The following EEF1A1 variants were observed in gnomAD, a reference collection of about 807,000 sequenced individuals.
EEF1A1 encodes the protein eukaryotic translation elongation factor 1 alpha 1.
EEF1A1 carries 1 observed loss-of-function variant against 38.5 expected under a neutral mutation model. The observed-to-expected ratio is 0.03, with a 90% CI of 0.01 to 0.12. EEF1A1 has a LOEUF of 0.12. Among genes scored for constraint, EEF1A1 ranks in the 10% least tolerant of loss-of-function variants. EEF1A1 has a pLI of 1.00. For synonymous variants in EEF1A1, 229 were observed against 203.7 expected, an observed-to-expected ratio of 1.12 and a Z score of -1.06; for missense variants, 184 against 588.3, an observed-to-expected ratio of 0.31 and a Z score of 7.11.
chr6:73,519,103 G>T lies in EEF1A1; in HGVS notation c.450C>A (p.Val150=). Residue 150 remains valine, a synonymous_variant, in exon 4 of 8, where the codon GTC becomes GTA. Coordinates refer to ENST00000309268, the MANE Select transcript of EEF1A1 (RefSeq NM_001402.6). The part of the protein sequence containing the change: ...AYTLGVKQLI[V]GVNKMDSTEP... The stretch of plus-strand genomic sequence containing the variant: ...CAGTGGAATCCATTTTGTTAACACC[G>T]ACAATTAGTTGTTTCACACCCAGTG... 1 of 1,600,608 alleles carries T rather than the reference G, an allele frequency of 6.2e-7. No homozygotes were observed. The highest frequency in any genetic ancestry group is 8.5e-7 in the Non-Finnish European group (1 of 1,175,144).
At chr6:73,519,568 C>T (rs749408207) in intron 2 of EEF1A1, 52 bp from the exon 3 acceptor site, 2 of 1,526,534 alleles carry the variant, frequency 1.3e-6, no homozygotes, top group Non-Finnish European at 1.8e-6. Flanking sequence ...ACTCCAGCTT[C>T]AATTTCCTTG....
chr6:73,520,332 A>G (rs965079289), intron 1 of EEF1A1: 1 of 265,060 alleles, frequency 3.8e-6, no homozygotes, highest in African/African-American at 2.3e-5. Flanking sequence ...GAGGACGGAA[A>G]GGCCCTTTTC....
chr6:73,518,633 A>T (rs1765581802), intron 5 of EEF1A1, 23 bp from the exon 6 acceptor site: 1 of 1,613,110 alleles, frequency 6.2e-7, no homozygotes, highest in African/African-American at 1.3e-5. Context: ...ACAGCATACT[A>T]AATACCTATG....
Position 73,516,050 on chromosome 6 carries a change from TTAGAC to T in EEF1A1, c.*1755_*1759del, listed in dbSNP as rs1419554034. On this transcript the variant is annotated 3_prime_UTR_variant, in exon 8 of 8. Transcript: ENST00000309268. The stretch of plus-strand genomic sequence containing the variant: ...TGTTTTTTCTGTCATCCAGCAAATC[TTAGAC>T]TATTTACTTGTGTAAACATTAGATA... 16 of 152,240 alleles carry T rather than the reference TTAGAC, an allele frequency of 1.1e-4. No individual in the cohort carries two copies. Among genetic ancestry groups the T allele is most frequent in the Admixed American group, 9.8e-4 (15 of 15,288 alleles). 9.4% of individuals were successfully genotyped at this position (152,240 alleles called of 1,614,324 possible). A position where few individuals can be genotyped will look rare whatever the true frequency, so the allele number is the denominator to read the frequency against.
Position 73,516,261 on chromosome 6 carries a change from G to A in EEF1A1, c.*1549C>T, listed in dbSNP as rs902211289. 1 of 152,186 alleles carries A rather than the reference G, an allele frequency of 6.6e-6. No homozygotes were observed. The highest frequency in any genetic ancestry group is 1.5e-5 in the Non-Finnish European group (1 of 68,038). The allele number at this position is 152,186 out of a possible 1,614,324, so 9.4% of individuals were successfully genotyped here. A position where few individuals can be genotyped will look rare whatever the true frequency, so the allele number is the denominator to read the frequency against. Reference sequence around the variant, plus strand: ...GAATCTTGAGCAATACACATTGCCAGTCACTTTAAGAGGCCTTATCTCTTG... The same window carrying A: ...GAATCTTGAGCAATACACATTGCCAATCACTTTAAGAGGCCTTATCTCTTG... On this transcript the variant is annotated 3_prime_UTR_variant, in exon 8 of 8. Coordinates refer to ENST00000309268, the MANE Select transcript of EEF1A1 (RefSeq NM_001402.6).
intron 1 of EEF1A1, 22 bp from the exon 2 acceptor site, chr6:73,520,078 T>C (rs1358454635): frequency 5.1e-6 from 8 of 1,569,968 alleles, no homozygotes; most frequent in South Asian, 2.3e-5. Flanking sequence ...GAAAAAAACT[T>C]TGAACCACTG....
rs1765500192 is a variant in EEF1A1 at position 73,515,759 on chromosome 6, A to G, written c.*2051T>C. 6.6e-6 allele frequency: 1 copy of G among 152,258 alleles called. No homozygotes were observed. Among genetic ancestry groups the G allele is most frequent in the African/African-American group, 2.4e-5 (1 of 41,472 alleles). 9.4% of individuals were successfully genotyped at this position (152,258 alleles called of 1,614,324 possible). On this transcript the variant is annotated 3_prime_UTR_variant, in exon 8 of 8. Coordinates refer to ENST00000309268, the MANE Select transcript of EEF1A1 (RefSeq NM_001402.6). ...GAAATGCCACTTCATCTTAAAGCTTAAAATTCATTTATTGTAGTGAGCAAG... is the reference window on the plus strand; with the variant it reads ...GAAATGCCACTTCATCTTAAAGCTTGAAATTCATTTATTGTAGTGAGCAAG...
chr6:73,518,677 C>T, intron 5 of EEF1A1, 21 bp downstream of exon 5: 1 of 1,608,204 alleles, frequency 6.2e-7, no homozygotes, highest in Non-Finnish European at 8.5e-7. Flanking sequence ...TCAAATTCAA[C>T]TTTGTTTACA....
At position 73,518,272 on chromosome 6, in the gene EEF1A1, A is replaced by G. The variant is rs370108040; in HGVS notation, c.1030-8T>C. 14 of 1,611,326 alleles carry G rather than the reference A, an allele frequency of 8.7e-6. No homozygotes were observed. In the African/African-American group the frequency reaches 1.3e-4, roughly 15 times the overall value. ...ATGGTTCAGGATAATCACCTTGGAA[A>G]AAAGATTTGCATTCAGTGCAAATCC... On this transcript the variant is annotated splice_region_variant and splice_polypyrimidine_tract_variant and intron_variant, in intron 6 of 7. Transcript: ENST00000309268.
Position 73,518,700 on chromosome 6 carries a change from C to G in EEF1A1, c.770G>C (p.Gly257Ala). ...AACTTTGTTTACAGCCAACTTACCA[C>G]CAATTTTGTAGACATCCTGGAGAGG... ...RLPLQDVYKI[G>A]GIGTVPVGRV... Residue 257 changes from glycine to alanine, a missense_variant and splice_region_variant, in exon 5 of 8, where the codon GGT becomes GCT. Gly to Ala is a moderately conservative substitution (Grantham distance 60). This residue lies in a region of EEF1A1 where 81 missense variants were observed against 286.3 expected (regional missense o/e 0.28). Coordinates refer to ENST00000309268, the MANE Select transcript of EEF1A1 (RefSeq NM_001402.6). 6.2e-7 allele frequency: 1 copy of G among 1,613,952 alleles called. No homozygotes were observed. The highest frequency in any genetic ancestry group is 8.5e-7 in the Non-Finnish European group (1 of 1,179,900).
At chr6:73,520,978 G>A in intron 1 of EEF1A1, 22 bp downstream of exon 1, 1 of 153,366 alleles carries the variant, frequency 6.5e-6, no homozygotes, top group Non-Finnish European at 1.5e-5. Flanking sequence ...CCAGGCCCGC[G>A]GGAACCACAC....
At chr6:73,520,084 C>A in intron 1 of EEF1A1, 28 bp from the exon 2 acceptor site, 2 of 1,564,812 alleles carry the variant, frequency 1.3e-6, no homozygotes, top group African/African-American at 1.4e-5. Flanking sequence ...AACTTTGAAC[C>A]ACTGTCTGAG....
rs371324554 is a variant in EEF1A1 at position 73,518,686 on chromosome 6, C to T, written c.772+12G>A. 7.7e-5 allele frequency: 125 copies of T among 1,613,688 alleles called. No homozygotes were observed. In the Middle Eastern group the frequency reaches 9.9e-4, roughly 13 times the overall value. On this transcript the variant is annotated intron_variant, in intron 5 of 7. Coordinates refer to ENST00000309268, the MANE Select transcript of EEF1A1 (RefSeq NM_001402.6). ...ATCAACTCAAATTCAACTTTGTTTACAGCCAACTTACCACCAATTTTGTAG... is the reference window on the plus strand; with the variant it reads ...ATCAACTCAAATTCAACTTTGTTTATAGCCAACTTACCACCAATTTTGTAG...
chr6:73,519,837 TAA>T (rs1320670792), intron 2 of EEF1A1, 44 bp downstream of exon 2: 2 of 1,609,520 alleles, frequency 1.2e-6, no homozygotes, highest in Admixed American at 1.7e-5. Context: ...ATTCTGCTGG[TAA>T]AACTCATTTT....
In EEF1A1 at chr6:73,519,528, AAG is replaced by A. The variant is rs1403096490; in HGVS notation, c.145-14_145-13del. ...GAGCCCTTTCCCATCTGTAAGGATT[AAG>A]AGTCGTTACTTGGTTACTAAAACAC... is the stretch of plus-strand genomic sequence containing the variant. On this transcript the variant is annotated splice_polypyrimidine_tract_variant and intron_variant, in intron 2 of 7. Transcript: ENST00000309268. 8.8e-6 allele frequency: 14 copies of A among 1,585,162 alleles called. No individual in the cohort carries two copies. Among genetic ancestry groups the A allele is most frequent in the African/African-American group, 6.7e-5 (5 of 74,604 alleles).
Position 73,520,209 on chromosome 6 carries a change from TC to T in EEF1A1, c.-30-154del, listed in dbSNP as rs1241934267. On this transcript the variant is annotated intron_variant, in intron 1 of 7. Transcript: ENST00000309268. The stretch of plus-strand genomic sequence containing the variant: ...ACCCACTCAGTGTGGGGAAACTCCA[TC>T]GCATAAAACCCCTCCCCCCAACCTA... 230 of 676,474 alleles carry T rather than the reference TC, an allele frequency of 3.4e-4. 1 individual carries two copies. Among genetic ancestry groups the T allele is most frequent in the Non-Finnish European group, 5.2e-4 (219 of 419,970 alleles). The allele number at this position is 676,474 out of a possible 1,614,324, so 41.9% of individuals were successfully genotyped here.
In EEF1A1 at chr6:73,519,111, G is replaced by A. The variant is rs776867290; in HGVS notation, c.442C>T (p.Leu148=). Residue 148 remains leucine (L), a synonymous_variant, in exon 4 of 8, where the codon CTA becomes TTA. Coordinates refer to ENST00000309268, the MANE Select transcript of EEF1A1 (RefSeq NM_001402.6). ...TCCATTTTGTTAACACCGACAATTA[G>A]TTGTTTCACACCCAGTGTGTAAGCC... ...LLAYTLGVKQ[L]IVGVNKMDST... The A allele has an allele frequency of 3.1e-6, 5 of 1,600,232 alleles. No individual in the cohort carries two copies. Among genetic ancestry groups the A allele is most frequent in the African/African-American group, 1.3e-5 (1 of 74,916 alleles).
chr6:73,520,827 G>C (rs1006883508), intron 1 of EEF1A1, 173 bp downstream of exon 1: 2 of 152,422 alleles, frequency 1.3e-5, no homozygotes, highest in Non-Finnish European at 2.9e-5. Context: ...ACTCAAGCAC[G>C]AGGCGAAGGG....
Position 73,518,768 on chromosome 6 carries a change from G to A in EEF1A1, c.702C>T (p.Cys234=), listed in dbSNP as rs11556692. The A allele has an allele frequency of 1.2e-6, 2 of 1,614,222 alleles. No homozygotes were observed. The highest frequency in any genetic ancestry group is 1.7e-6 in the Non-Finnish European group (2 of 1,180,034). ...SGTTLLEALD[C]ILPPTRPTDK... is the part of the protein sequence containing the mutation. Reference sequence around the variant, plus strand: ...CAGTTGGACGAGTTGGTGGTAGGATGCAGTCCAGAGCCTCAAGCAGCGTGG... The same window carrying A: ...CAGTTGGACGAGTTGGTGGTAGGATACAGTCCAGAGCCTCAAGCAGCGTGG... Residue 234 remains cysteine (C), a synonymous_variant, in exon 5 of 8, where the codon TGC becomes TGT. Coordinates refer to ENST00000309268, the MANE Select transcript of EEF1A1 (RefSeq NM_001402.6).
Sources: allele counts gnomAD v4.1 joint callset, GRCh38; gene constraint gnomAD v4.1.1; regional missense constraint gnomAD v4.1.1; transcripts MANE v1.5; gene names NCBI Gene and HGNC (gene_info 2026-07-23, HGNC 2026-07-21).